The following XAGE3 variants were observed in gnomAD, a reference collection of about 807,000 sequenced individuals.
XAGE3 encodes CT12.3.
In XAGE3, 6 loss-of-function variants were observed where a neutral mutation model predicts 9.2. The ratio of observed to expected loss-of-function variants is 0.65; its 90% CI spans 0.36 to 1.29. The LOEUF (loss-of-function observed/expected upper bound fraction) is 1.29, where lower values mean the gene tolerates loss of function less well. Among genes scored for constraint, XAGE3 ranks in the 50% most tolerant of loss-of-function variants. XAGE3 has a pLI of 0.03. For synonymous variants in XAGE3, 26 were observed against 28.2 expected, an observed-to-expected ratio of 0.92 and a Z score of 0.25; for missense variants, 70 against 82.8, an observed-to-expected ratio of 0.85 and a Z score of 0.60.
At position 52,864,877 on chromosome X, in the gene XAGE3, G is replaced by T; in HGVS notation, c.211C>A (p.Gln71Lys). The T allele has an allele frequency of 8.3e-7, 1 of 1,211,143 alleles. No individual in the cohort carries two copies. Among genetic ancestry groups the T allele is most frequent in the Non-Finnish European group, 1.1e-6 (1 of 895,178 alleles). The change falls in exon 4 of 5, where the codon CAG becomes AAG. Residue 71 changes from glutamine (Q) to lysine (K), a missense_variant. Coordinates refer to ENST00000346279, the MANE Select transcript of XAGE3 (RefSeq NM_133179.3). ...TQVPDLEADLQELSQSKTGGE... is the reference protein window; with the variant it reads ...TQVPDLEADLKELSQSKTGGE... ...CCAGTCTTTGACTGAGACAGCTCCT[G>T]GAGATCAGCTTCCAGGTCAGGCACT...
At chrX:52,866,885 C>T (rs1192156045) in intron 2 of XAGE3, among the ~76,000 whole-genome samples, 168 bp downstream of exon 2, 1 of 112,857 alleles carries the variant, frequency 8.9e-6, no homozygotes, top group Non-Finnish European at 1.9e-5. Context: ...TCCTCTTGGA[C>T]TAGTCTTTCC....
chrX:52,864,950 A>G (rs782408127), intron 3 of XAGE3, 50 bp from the exon 4 acceptor site: 1 of 1,193,656 alleles, frequency 8.4e-7, no homozygotes, highest in East Asian at 3.0e-5. Context: ...AGAAAGATAA[A>G]GAAGGAAATG....
intron 3 of XAGE3, among the ~76,000 whole-genome samples, chrX:52,865,373 C>G (rs1276095742): frequency 2.3e-4 from 25 of 110,739 alleles, no homozygotes; most frequent in Admixed American, 9.7e-5. Context: ...GAATCCCATT[C>G]ACAAAAAAAT....
chrX:52,866,393 TC>T, intron 3 of XAGE3, 39 bp downstream of exon 3: 1 of 1,175,074 alleles, frequency 8.5e-7, no homozygotes, highest in East Asian at 3.0e-5. Context: ...ATAGGCCTCC[TC>T]CCCTCCCCAT....
Position 52,862,641 on chromosome X carries a change from C to A in XAGE3, c.314-1G>T. 2 of 1,211,267 alleles carry A rather than the reference C, an allele frequency of 1.7e-6. No homozygotes were observed. The highest frequency in any genetic ancestry group is 2.2e-6 in the Non-Finnish European group (2 of 894,840). On this transcript the variant is annotated splice_acceptor_variant, in intron 4 of 4. Coordinates refer to ENST00000346279, the MANE Select transcript of XAGE3 (RefSeq NM_133179.3). LOFTEE classifies it high-confidence loss of function. Reference sequence around the variant, plus strand: ...ATTTAAACCTGTGGTTGCCTGTCACCTATAATAGAAATATAACAGGAGGGA... The same window carrying A: ...ATTTAAACCTGTGGTTGCCTGTCACATATAATAGAAATATAACAGGAGGGA...
intron 2 of XAGE3, among the ~76,000 whole-genome samples, 155 bp from the exon 3 acceptor site, chrX:52,866,693 C>T (rs782488801): frequency 8.9e-6 from 1 of 112,468 alleles, no homozygotes; most frequent in Non-Finnish European, 1.9e-5. Context: ...ACTTATTTTT[C>T]ATAAAGTTAC....
intron 4 of XAGE3, among the ~76,000 whole-genome samples, chrX:52,862,864 T>C (rs1014774726): frequency 1.7e-5 from 2 of 114,639 alleles, no homozygotes; most frequent in Admixed American, 1.8e-4. Flanking sequence ...CTGCCTTCTG[T>C]AGTTCAAGGA....
chrX:52,865,267 C>G (rs1927858889), intron 3 of XAGE3, among the ~76,000 whole-genome samples: 3 of 111,601 alleles, frequency 2.7e-5, no homozygotes. Context: ...ATCTTACAGT[C>G]CTGACACTCA....
rs1400562265 is a variant in XAGE3 at position 52,866,972 on chromosome X, A to G, written c.81+81T>C. 12 of 993,687 alleles carry G rather than the reference A, an allele frequency of 1.2e-5. No homozygotes were observed. In the Admixed American group the frequency reaches 2.4e-4, roughly 20 times the overall value. The allele number at this position is 993,687 out of a possible 1,213,427, so 81.9% of individuals were successfully genotyped here. On this transcript the variant is annotated intron_variant, in intron 2 of 4. Transcript: ENST00000346279. ...TATCTATACTGGTTCAACAACAATT[A>G]CAAAACATAGTTTTGCAACAACAAC...
At chrX:52,866,940 A>G (rs1927903723) in intron 2 of XAGE3, 113 bp downstream of exon 2, 3 of 723,410 alleles carry the variant, frequency 4.1e-6, no homozygotes. Context: ...GGAGACCTTT[A>G]TTGGTATATC....
intron 4 of XAGE3, among the ~76,000 whole-genome samples, chrX:52,863,444 T>A (rs1355995533): frequency 8.9e-6 from 1 of 112,187 alleles, no homozygotes; most frequent in Non-Finnish European, 1.9e-5. Flanking sequence ...AAAAGGACAG[T>A]AAGACATCTG....
In XAGE3 at chrX:52,868,067, AC is replaced by A. The variant is rs1421113798; in HGVS notation, c.-71del. On this transcript the variant is annotated 5_prime_UTR_variant, in exon 1 of 5. An upstream open reading frame in the 5' UTR gains an earlier in-frame stop. Coordinates refer to ENST00000346279, the MANE Select transcript of XAGE3 (RefSeq NM_133179.3). ...GCAGGAACGCGACCCTCACACCCTCACAACTCCAGGGCATTCACCACGTGGG... is the reference window on the plus strand; with the variant it reads ...GCAGGAACGCGACCCTCACACCCTCAAACTCCAGGGCATTCACCACGTGGG... 9.0e-6 allele frequency: 1 copy of A among 111,029 alleles called. No individual in the cohort carries two copies. The highest frequency in any genetic ancestry group is 1.9e-5 in the Non-Finnish European group (1 of 53,091). 9.2% of individuals were successfully genotyped at this position (111,029 alleles called of 1,213,427 possible).
rs1927885418 is a variant in XAGE3, at chrX:52,866,392, C to T, written c.187+41G>A. 4.3e-6 allele frequency: 5 copies of T among 1,169,328 alleles called. No homozygotes were observed. In the Middle Eastern group the frequency reaches 9.1e-4, roughly 214 times the overall value. The stretch of plus-strand genomic sequence containing the variant: ...AAGGCATGATGCACACATAGGCCTC[C>T]TCCCCTCCCCATAGACATTCTTTCT... On this transcript the variant is annotated intron_variant, in intron 3 of 4. Transcript: ENST00000346279.
At chrX:52,864,104 A>G (rs782479869) in intron 4 of XAGE3, among the ~76,000 whole-genome samples, 10 of 112,221 alleles carry the variant, frequency 8.9e-5, no homozygotes, top group Non-Finnish European at 1.7e-4. Context: ...AATGCTTCCT[A>G]TAAATTCAGA....
At position 52,864,882 on chromosome X, in the gene XAGE3, T is replaced by A; in HGVS notation, c.206A>T (p.Asp69Val). Residue 69 changes from aspartate to valine, a missense_variant, in exon 4 of 5, where the codon GAT becomes GTT. Asp to Val is a radical substitution (Grantham distance 152). Coordinates refer to ENST00000346279, the MANE Select transcript of XAGE3 (RefSeq NM_133179.3). ...AETQVPDLEA[D>V]LQELSQSKTG... ...CTTTGACTGAGACAGCTCCTGGAGA[T>A]CAGCTTCCAGGTCAGGCACTAAAAA... 1 of 1,210,983 alleles carries A rather than the reference T, an allele frequency of 8.3e-7. No individual in the cohort carries two copies. Among genetic ancestry groups the A allele is most frequent in the South Asian group, 1.8e-5 (1 of 56,848 alleles).
chrX:52,867,646 A>AT (rs1346665736), intron 1 of XAGE3, among the ~76,000 whole-genome samples: 1 of 110,329 alleles, frequency 9.1e-6, no homozygotes, highest in Non-Finnish European at 1.9e-5. Context: ...ACCAACCCGC[A>AT]GCGTTCCCAG....
intron 4 of XAGE3, among the ~76,000 whole-genome samples, chrX:52,864,053 A>G (rs1284846371): frequency 3.6e-5 from 4 of 112,184 alleles, no homozygotes; most frequent in African/African-American, 1.3e-4. Context: ...GTTCAGCAGT[A>G]TAGAGTAAAA....
intron 1 of XAGE3, 53 bp from the exon 2 acceptor site, chrX:52,867,194 T>G: frequency 9.8e-7 from 1 of 1,022,582 alleles, no homozygotes; most frequent in Non-Finnish European, 1.3e-6. Context: ...ACAGCTATAT[T>G]TGACCACTTC....
intron 3 of XAGE3, among the ~76,000 whole-genome samples, chrX:52,866,228 A>C (rs1556784384): frequency 1.8e-5 from 2 of 112,164 alleles, no homozygotes; most frequent in Non-Finnish European, 3.8e-5. Context: ...AAGCATACGA[A>C]ATATATTTCA....
Sources: gnomAD v4.1 joint callset for allele counts (sites outside exome capture counted in the v4.1 genomes callset) on GRCh38, gnomAD v4.1.1 for gene constraint, MANE v1.5 for transcripts, NCBI Gene and HGNC (gene_info 2026-07-23, HGNC 2026-07-21) for gene names.